WDR7: variants seen among roughly 807,000 people sequenced by gnomAD.
WDR7 encodes the protein WD repeat domain 7, also known as WD repeat-containing protein 7.
A neutral mutation model predicts 169.4 loss-of-function variants in WDR7; 46 were observed. That is an observed-to-expected ratio of 0.27 (90% confidence interval 0.21 to 0.35). WDR7 has a LOEUF of 0.35. Ranked by LOEUF, WDR7 falls within the 10% of genes least tolerant of loss-of-function variation. WDR7 has a pLI of 1.00. For synonymous variants in WDR7, 612 were observed against 666.8 expected (o/e 0.92, Z 1.27); for missense variants, 1,534 against 1,859.3 (o/e 0.83, Z 3.22).
chr18:56,895,080 G>C (rs1334068996), intron 21 of WDR7, among the ~76,000 whole-genome samples: 2 of 151,994 alleles, frequency 1.3e-5, no homozygotes, highest in African/African-American at 4.8e-5. Context: ...GTTCACATTA[G>C]ATATATTCTA....
intron 26 of WDR7, among the ~76,000 whole-genome samples, chr18:56,990,533 A>T (rs1185468466): frequency 6.6e-6 from 1 of 152,262 alleles, no homozygotes; most frequent in Non-Finnish European, 1.5e-5. Flanking sequence ...GGGAAAAAGA[A>T]GATGAACCTG....
chr18:56,694,400 T>A (rs2025650318), intron 9 of WDR7, among the ~76,000 whole-genome samples: 1 of 152,242 alleles, frequency 6.6e-6, no homozygotes. Context: ...AGTTTTTGTT[T>A]CATTCAATGT....
chr18:56,812,969 G>T (rs946417778), intron 19 of WDR7, among the ~76,000 whole-genome samples: 3 of 139,342 alleles, frequency 2.2e-5, no homozygotes, highest in Non-Finnish European at 4.6e-5. Flanking sequence ...TCATAGGTGG[G>T]AATTGAACAA....
intron 26 of WDR7, among the ~76,000 whole-genome samples, chr18:56,970,757 C>T (rs988300830): frequency 2.6e-5 from 4 of 152,164 alleles, no homozygotes; most frequent in Non-Finnish European, 5.9e-5. Context: ...CGTGTATTCA[C>T]CCATTATTGT....
chr18:56,797,343 G>T (rs2044601430), intron 19 of WDR7, among the ~76,000 whole-genome samples: 1 of 151,904 alleles, frequency 6.6e-6, no homozygotes, highest in Admixed American at 6.6e-5. Context: ...CCTGTAAAAA[G>T]GACAACAACA....
intron 12 of WDR7, among the ~76,000 whole-genome samples, chr18:56,715,142 T>C (rs966824111): frequency 6.6e-6 from 1 of 152,202 alleles, no homozygotes; most frequent in Non-Finnish European, 1.5e-5. Context: ...AAGTTTCTCA[T>C]AAGAATGAGA....
chr18:56,833,117 G>A (rs980321011), intron 20 of WDR7, among the ~76,000 whole-genome samples: 4 of 150,858 alleles, frequency 2.7e-5, no homozygotes, highest in African/African-American at 9.7e-5. Flanking sequence ...CTGCTAACTA[G>A]AATAACCAGT....
intron 14 of WDR7, among the ~76,000 whole-genome samples, chr18:56,751,254 A>G (rs559005416): frequency 6.6e-6 from 1 of 152,262 alleles, no homozygotes; most frequent in African/African-American, 2.4e-5. Context: ...CCAGGAAGGG[A>G]CAGAAGCATT....
intron 20 of WDR7, among the ~76,000 whole-genome samples, chr18:56,847,812 A>G (rs961287120): frequency 3.3e-5 from 5 of 152,354 alleles, no homozygotes; most frequent in Admixed American, 6.5e-5. Context: ...CATCGTGTTA[A>G]GCTTGCAGGT....
At chr18:56,769,284 A>G (rs985945869) in intron 16 of WDR7, among the ~76,000 whole-genome samples, 1 of 151,784 alleles carries the variant, frequency 6.6e-6, no homozygotes, top group African/African-American at 2.4e-5. Flanking sequence ...CAGTGGTGCA[A>G]TCGTGGCTTA....
chr18:56,948,448 C>T (rs1383482238), intron 25 of WDR7, among the ~76,000 whole-genome samples: 1 of 151,990 alleles, frequency 6.6e-6, no homozygotes, highest in Non-Finnish European at 1.5e-5. Context: ...GGCTCTGTCC[C>T]AATTTTTAGT....
intron 2 of WDR7, among the ~76,000 whole-genome samples, chr18:56,673,825 CA>C (rs1312345288): frequency 9.7e-4 from 137 of 140,694 alleles, no homozygotes; most frequent in Admixed American, 1.1e-3. Context: ...ACCTTGTCTC[CA>C]AAAAAAAAAA....
intron 18 of WDR7, among the ~76,000 whole-genome samples, chr18:56,781,013 A>T (rs1219988585): frequency 2.0e-5 from 3 of 152,252 alleles, no homozygotes; most frequent in African/African-American, 7.2e-5. Context: ...TTTGTCAAAA[A>T]CATTGTTTAA....
intron 19 of WDR7, among the ~76,000 whole-genome samples, chr18:56,793,215 A>C (rs1425196871): frequency 1.3e-5 from 2 of 152,232 alleles, no homozygotes; most frequent in Non-Finnish European, 2.9e-5. Context: ...TTTTGAATTA[A>C]AATGTGATAA....
chr18:56,912,014 T>C (rs1281048532), intron 21 of WDR7, among the ~76,000 whole-genome samples: 1 of 152,194 alleles, frequency 6.6e-6, no homozygotes, highest in East Asian at 1.9e-4. Flanking sequence ...TTCATCACTT[T>C]GGGGAGGTAC....
chr18:56,857,239 G>A (rs2145394182), intron 20 of WDR7, among the ~76,000 whole-genome samples: 1 of 152,084 alleles, frequency 6.6e-6, no homozygotes, highest in Admixed American at 6.6e-5. Context: ...AGTGGACCAG[G>A]AACATATTGG....
chr18:56,703,667 TTAAA>T (rs572461207), intron 12 of WDR7, among the ~76,000 whole-genome samples: 312 of 152,208 alleles, frequency 2.0e-3, no homozygotes, highest in African/African-American at 7.2e-3. Context: ...TTTTTAAAAA[TTAAA>T]TAATACATAG....
chr18:56,926,497 A>G (rs1049242602), intron 22 of WDR7, among the ~76,000 whole-genome samples: 2 of 152,158 alleles, frequency 1.3e-5, no homozygotes, highest in Admixed American at 6.5e-5. Flanking sequence ...GCTTTTATTC[A>G]GGGTTAGTAT....
At chr18:56,938,743 A>C (rs1450948129) in intron 24 of WDR7, 61 bp downstream of exon 24, 1 of 1,576,452 alleles carries the variant, frequency 6.3e-7, no homozygotes, top group Non-Finnish European at 8.6e-7. Context: ...CTAATGAAGT[A>C]ATATAAATCA....
Sources: gnomAD v4.1 joint callset for allele counts (sites outside exome capture counted in the v4.1 genomes callset) on GRCh38, gnomAD v4.1.1 for gene constraint, MANE v1.5 for transcripts, NCBI Gene and HGNC (gene_info 2026-07-23, HGNC 2026-07-21) for gene names.